EED: variants seen among roughly 807,000 people sequenced by gnomAD.
EED encodes embryonic ectoderm development, also known as polycomb protein EED.
Under a neutral mutation model 61.0 loss-of-function variants are expected in EED, and 9 were observed. The observed-to-expected ratio is 0.15, with a 90% CI of 0.09 to 0.26. The LOEUF is 0.26. Among genes scored for constraint, EED ranks in the 10% least tolerant of loss-of-function variants. The probability of loss-of-function intolerance (pLI) is 1.00; values close to 1 mark genes in which losing one functional copy is unlikely to be tolerated. For synonymous variants in EED, 187 were observed against 174.4 expected, an observed-to-expected ratio of 1.07 and a Z score of -0.57; for missense variants, 315 against 542.3, an observed-to-expected ratio of 0.58 and a Z score of 4.16.
At chr11:86,252,874 G>A (rs1945571013) in intron 3 of EED, among the ~76,000 whole-genome samples, 1 of 152,002 alleles carries the variant, frequency 6.6e-6, no homozygotes, top group African/African-American at 2.4e-5. Flanking sequence ...ATCCTCCCAT[G>A]TCAGCCTTCT....
At chr11:86,259,622 A>C (rs1196501257) in intron 6 of EED, among the ~76,000 whole-genome samples, 1 of 152,186 alleles carries the variant, frequency 6.6e-6, no homozygotes, top group African/African-American at 2.4e-5. Context: ...CCAGCTAATA[A>C]GGGACGTGTA....
At chr11:86,286,684 C>CTG in the EED span, among the ~76,000 whole-genome samples, 1 of 151,912 alleles carries the variant, frequency 6.6e-6, no homozygotes, top group Non-Finnish European at 1.5e-5. Flanking sequence ...AAGAAATAGA[C>CTG]TATACAGGCC....
chr11:86,287,341 TG>T, the EED span, among the ~76,000 whole-genome samples: 1 of 152,230 alleles, frequency 6.6e-6, no homozygotes, highest in African/African-American at 2.4e-5. Flanking sequence ...TGGTTACCTC[TG>T]GGTTTCCCCT....
chr11:86,265,633 A>G (rs1945955664), intron 7 of EED: 1 of 152,236 alleles, frequency 6.6e-6, no homozygotes, highest in African/African-American at 2.4e-5. Context: ...TTGACTTAGA[A>G]TTATAAAGTA....
intron 1 of EED, among the ~76,000 whole-genome samples, chr11:86,249,381 G>GAA (rs34097493): frequency 0.011 from 1,410 of 125,556 alleles, 18 homozygotes; most frequent in African/African-American, 0.015. Context: ...GCATTTCATG[G>GAA]AAAAAAAAAA....
chr11:86,274,842 A>G (rs973853107), intron 9 of EED, among the ~76,000 whole-genome samples: 12 of 152,164 alleles, frequency 7.9e-5, no homozygotes, highest in Non-Finnish European at 1.8e-4. Flanking sequence ...AGGTACAGGG[A>G]GAGTCATGGG....
At chr11:86,287,051 C>T in the EED span, among the ~76,000 whole-genome samples, 2 of 145,078 alleles carry the variant, frequency 1.4e-5, no homozygotes, top group East Asian at 2.0e-4. Context: ...TCCCATGAAA[C>T]AATATACTTA....
chr11:86,284,696 C>T, the EED span: 1 of 152,224 alleles, frequency 6.6e-6, no homozygotes, highest in Admixed American at 6.5e-5. Context: ...AGCCTATGTC[C>T]AGCTTGTTGT....
At chr11:86,270,937 T>G (rs1427039324) in intron 9 of EED, among the ~76,000 whole-genome samples, 1 of 152,230 alleles carries the variant, frequency 6.6e-6, no homozygotes, top group African/African-American at 2.4e-5. Flanking sequence ...TAATTATTCT[T>G]GGAATCTGAT....
intron 6 of EED, among the ~76,000 whole-genome samples, chr11:86,260,116 C>A (rs1043504031): frequency 3.9e-5 from 6 of 152,206 alleles, no homozygotes; most frequent in Admixed American, 1.3e-4. Flanking sequence ...TTAATTTTCA[C>A]ATGTATTACT....
chr11:86,250,206 TAGGTC>T, intron 1 of EED, 85 bp from the exon 2 acceptor site: 1 of 1,200,056 alleles, frequency 8.3e-7, no homozygotes, highest in Non-Finnish European at 1.1e-6. Flanking sequence ...TTATTTCTCT[TAGGTC>T]AGTCAGCATC....
At chr11:86,276,762 CT>C (rs1946241994) in intron 9 of EED, 1 of 357,196 alleles carries the variant, frequency 2.8e-6, no homozygotes, top group Non-Finnish European at 5.0e-6. Context: ...CAATGTGATT[CT>C]TTTGTATTAT....
At chr11:86,281,708 G>A (rs1337083559), downstream of EED, among the ~76,000 whole-genome samples, 1 of 152,024 alleles carries the variant, frequency 6.6e-6, no homozygotes, top group Admixed American at 6.6e-5. Context: ...GTGGCTATTC[G>A]CAGGTGCAGT....
Position 86,277,145 on chromosome 11 carries a change from A to G in EED, c.1125+7A>G. 6.4e-7 allele frequency: 1 copy of G among 1,556,052 alleles called. No homozygotes were observed. The highest frequency in any genetic ancestry group is 8.8e-7 in the Non-Finnish European group (1 of 1,142,840). On this transcript the variant is annotated splice_region_variant and intron_variant, in intron 10 of 11. Transcript: ENST00000263360. Reference sequence around the variant, plus strand: ...TATGGATTTCTGGCAAAAGGTATCAACATACTTTTACATTTTGAAATGATC... The same window carrying G: ...TATGGATTTCTGGCAAAAGGTATCAGCATACTTTTACATTTTGAAATGATC...
chr11:86,256,667 G>A lies in EED; in HGVS notation c.552+155G>A, dbSNP rs10792842. ...TCTCTTTGGATGAGTCTTTTGAGACGTTTGTCACATTTGGGTAATGTAAAT... is the reference window on the plus strand; with the variant it reads ...TCTCTTTGGATGAGTCTTTTGAGACATTTGTCACATTTGGGTAATGTAAAT... On this transcript the variant is annotated intron_variant, in intron 5 of 11. Transcript: ENST00000263360. Among the ~76,000 whole-genome samples, 50,618 of 152,076 alleles carry A rather than the reference G, an allele frequency of 0.33. 9,258 individuals are homozygous for A. Among genetic ancestry groups the A allele is most frequent in the Non-Finnish European group, 0.41 (28,071 of 67,952 alleles).
At chr11:86,247,291 C>T (rs532353906) in intron 1 of EED, among the ~76,000 whole-genome samples, 13 of 152,256 alleles carry the variant, frequency 8.5e-5, no homozygotes, top group Non-Finnish European at 1.9e-4. Flanking sequence ...CTTGTAGAGT[C>T]TTCTCAAAAT....
At chr11:86,277,169 T>C in intron 10 of EED, 31 bp downstream of exon 10, 2 of 1,534,496 alleles carry the variant, frequency 1.3e-6, no homozygotes, top group Non-Finnish European at 1.8e-6. Context: ...TTTGAAATGA[T>C]CTGACTTATG....
At chr11:86,285,952 G>T in the EED span, among the ~76,000 whole-genome samples, 1 of 152,062 alleles carries the variant, frequency 6.6e-6, no homozygotes. Flanking sequence ...TGTGAAATTA[G>T]AAATTACAGA....
At chr11:86,284,293 C>G in the EED span, 1 of 152,226 alleles carries the variant, frequency 6.6e-6, no homozygotes, top group Non-Finnish European at 1.5e-5. Context: ...GGTGGCATCC[C>G]TACACTCCAT....
Sources: allele counts gnomAD v4.1 joint callset (sites outside exome capture counted in the v4.1 genomes callset), GRCh38; gene constraint gnomAD v4.1.1; transcripts MANE v1.5; gene names NCBI Gene and HGNC (gene_info 2026-07-23, HGNC 2026-07-21).